LIX1: variants seen among roughly 807,000 people sequenced by gnomAD.
The protein encoded by LIX1 is limb and CNS expressed 1, also known as protein limb expression 1 homolog.
LIX1 carries 24 observed loss-of-function variants against 33.4 expected under a neutral mutation model. The observed-to-expected ratio is 0.72, with a 90% confidence interval of 0.52 to 1.01. The LOEUF (loss-of-function observed/expected upper bound fraction) is 1.01. Among genes scored for constraint, LIX1 ranks in the 50% least tolerant of loss-of-function variants. The pLI is 0.00. For synonymous variants in LIX1, 124 were observed against 124.0 expected (o/e 1.00, Z 0.00); for missense variants, 311 against 339.2 (o/e 0.92, Z 0.65).
chr5:97,098,574 T>C (rs983568145), intron 4 of LIX1, among the ~76,000 whole-genome samples: 6 of 152,220 alleles, frequency 3.9e-5, no homozygotes, highest in Admixed American at 2.0e-4. Context: ...CATAGACAGA[T>C]GTCCTACTGT....
At chr5:97,118,931 T>G (rs147078570) in intron 2 of LIX1, among the ~76,000 whole-genome samples, 5 of 152,260 alleles carry the variant, frequency 3.3e-5, no homozygotes, top group East Asian at 1.9e-4. Flanking sequence ...GGACACAGCT[T>G]CCCATTTACT....
At chr5:97,119,497 AT>A (rs1187520108) in intron 2 of LIX1, among the ~76,000 whole-genome samples, 1 of 152,182 alleles carries the variant, frequency 6.6e-6, no homozygotes, top group Non-Finnish European at 1.5e-5. Flanking sequence ...CTCAAGTCAT[AT>A]TTTGGAGGGC....
intron 2 of LIX1, among the ~76,000 whole-genome samples, chr5:97,114,880 C>T (rs1747595786): frequency 6.6e-6 from 1 of 152,304 alleles, no homozygotes; most frequent in Middle Eastern, 3.4e-3. Context: ...TCTGCAGAAG[C>T]TTCATTGTCT....
intron 2 of LIX1, among the ~76,000 whole-genome samples, chr5:97,118,665 A>G (rs1446166342): frequency 6.6e-6 from 1 of 152,212 alleles, no homozygotes; most frequent in African/African-American, 2.4e-5. Context: ...TCCAATAAGT[A>G]CTAATGTGTT....
At chr5:97,113,398 A>G (rs1747513148) in intron 2 of LIX1, among the ~76,000 whole-genome samples, 1 of 152,256 alleles carries the variant, frequency 6.6e-6, no homozygotes, top group African/African-American at 2.4e-5. Flanking sequence ...GGTAACTAAT[A>G]CAAAGGCTTT....
intron 2 of LIX1, among the ~76,000 whole-genome samples, chr5:97,117,086 C>T (rs574730878): frequency 1.3e-5 from 2 of 152,250 alleles, no homozygotes; most frequent in African/African-American, 4.8e-5. Flanking sequence ...ATATGCACTC[C>T]CAATTTCATG....
Position 97,094,853 on chromosome 5 carries a change from C to G in LIX1, c.744G>C (p.Lys248Asn). Residue 248 changes from lysine (K) to asparagine (N), a missense_variant, in exon 6 of 6, where the codon AAG (lysine) becomes AAC (asparagine). Lys to Asn is a moderately conservative substitution (Grantham distance 94, BLOSUM62 0). Coordinates refer to ENST00000274382, the MANE Select transcript of LIX1 (RefSeq NM_153234.5). ...AGQELRFYKEKKEILSLALTQ... is the reference protein window; with the variant it reads ...AGQELRFYKENKEILSLALTQ... ...TCAGGGCTAAGCTCAATATTTCTTTCTTTTCTTTGTAAAACCGTAGTTCTT... is the reference window on the plus strand; with the variant it reads ...TCAGGGCTAAGCTCAATATTTCTTTGTTTTCTTTGTAAAACCGTAGTTCTT... The G allele has an allele frequency of 6.2e-7, 1 of 1,614,222 alleles. No individual in the cohort carries two copies. The highest frequency in any genetic ancestry group is 8.5e-7 in the Non-Finnish European group (1 of 1,180,030).
intron 1 of LIX1, among the ~76,000 whole-genome samples, chr5:97,125,055 C>T (rs1657070149): frequency 6.6e-6 from 1 of 152,098 alleles, no homozygotes; most frequent in Admixed American, 6.5e-5. Context: ...TCTCATTTCT[C>T]ATAGATTCTT....
intron 2 of LIX1, among the ~76,000 whole-genome samples, chr5:97,119,799 T>A (rs1747734080): frequency 6.6e-6 from 1 of 152,094 alleles, no homozygotes; most frequent in South Asian, 2.1e-4. Context: ...GGAAGAGCTA[T>A]CATTTTGGGT....
At chr5:97,123,290 G>T (rs544840056) in intron 2 of LIX1, among the ~76,000 whole-genome samples, 1 of 152,138 alleles carries the variant, frequency 6.6e-6, no homozygotes, top group African/African-American at 2.4e-5. Flanking sequence ...GGATAGGGGA[G>T]GGCGATTGCT....
intron 5 of LIX1, 78 bp from the exon 6 acceptor site, chr5:97,095,113 C>A: frequency 7.5e-7 from 1 of 1,340,888 alleles, no homozygotes; most frequent in African/African-American, 1.5e-5. Flanking sequence ...CCCCTGCTTC[C>A]CACATCCATT....
At chr5:97,107,023 G>A (rs1416408390) in intron 3 of LIX1, among the ~76,000 whole-genome samples, 1 of 152,132 alleles carries the variant, frequency 6.6e-6, no homozygotes, top group African/African-American at 2.4e-5. Flanking sequence ...CTAGATTAAA[G>A]CAGTATTCCA....
intron 4 of LIX1, chr5:97,103,212 C>T (rs990555852): frequency 5.5e-6 from 2 of 364,802 alleles, no homozygotes; most frequent in Non-Finnish European, 1.1e-5. Context: ...TTTTACAGAT[C>T]GACTCTTTTA....
At chr5:97,125,989 C>A (rs1332868009) in intron 1 of LIX1, among the ~76,000 whole-genome samples, 3 of 152,144 alleles carry the variant, frequency 2.0e-5, no homozygotes. Flanking sequence ...GTTTTGACAA[C>A]ATAGTTTGAG....
At chr5:97,112,304 C>T (rs1267292735) in intron 2 of LIX1, among the ~76,000 whole-genome samples, 1 of 152,162 alleles carries the variant, frequency 6.6e-6, no homozygotes, top group Non-Finnish European at 1.5e-5. Context: ...GTTAAAGTTA[C>T]TATCAAACAG....
At chr5:97,139,938 T>C (rs113323712) in intron 1 of LIX1, among the ~76,000 whole-genome samples, 2,252 of 152,358 alleles carry the variant, frequency 0.015, 21 homozygotes, top group South Asian at 0.024. Flanking sequence ...AGCTTCCTCA[T>C]CTGAGAAAGC....
chr5:97,107,572 G>A (rs1369984463), intron 2 of LIX1, 72 bp from the exon 3 acceptor site: 3 of 1,467,960 alleles, frequency 2.0e-6, no homozygotes, highest in African/African-American at 2.8e-5. Context: ...GCATCAATGG[G>A]TCTCTGGACA....
chr5:97,131,521 C>T (rs1208617255), intron 1 of LIX1, among the ~76,000 whole-genome samples: 2 of 147,854 alleles, frequency 1.4e-5, no homozygotes, highest in Non-Finnish European at 1.5e-5. Flanking sequence ...CTTGGCTGTA[C>T]TTCCTTCTGG....
chr5:97,132,870 G>T (rs1281323654), intron 1 of LIX1, among the ~76,000 whole-genome samples: 2 of 152,198 alleles, frequency 1.3e-5, no homozygotes, highest in Non-Finnish European at 2.9e-5. Flanking sequence ...GTGGGTAGGA[G>T]ATGATTAAGC....
Sources: gnomAD v4.1 joint callset for allele counts (sites outside exome capture counted in the v4.1 genomes callset) on GRCh38, gnomAD v4.1.1 for gene constraint, MANE v1.5 for transcripts, NCBI Gene and HGNC (gene_info 2026-07-23, HGNC 2026-07-21) for gene names.